The following CSMD1 variants were observed in gnomAD, a reference collection of about 807,000 sequenced individuals.
The protein encoded by CSMD1 is CUB and sushi domain-containing protein 1.
A neutral mutation model predicts 417.5 loss-of-function variants in CSMD1; 213 were observed. That is an observed-to-expected ratio of 0.51 (90% CI 0.46 to 0.57). The LOEUF (loss-of-function observed/expected upper bound fraction) is 0.57, where lower values mean the gene tolerates loss of function less well. Ranked by LOEUF, CSMD1 falls within the 20% of genes least tolerant of loss-of-function variation. The probability of loss-of-function intolerance (pLI) is 0.00; values close to 1 mark genes in which losing one functional copy is unlikely to be tolerated. For synonymous variants in CSMD1, 2,862 were observed against 1,736.8 expected (o/e 1.65, Z -16.11); for missense variants, 6,923 against 4,529.7 (o/e 1.53, Z -15.17).
intron 1 of CSMD1, among the ~76,000 whole-genome samples, chr8:4,842,381 T>C (rs966797011): frequency 2.0e-5 from 3 of 152,256 alleles, no homozygotes; most frequent in Non-Finnish European, 2.9e-5. Context: ...TCTTAATTTT[T>C]ATTCCCCTTT....
intron 17 of CSMD1, among the ~76,000 whole-genome samples, chr8:3,392,417 T>A (rs965057826): frequency 2.6e-5 from 4 of 152,070 alleles, no homozygotes; most frequent in Admixed American, 2.0e-4. Context: ...TGTCGAAGGG[T>A]GCTAGACGGG....
At chr8:4,021,834 T>C (rs1234917593) in intron 4 of CSMD1, among the ~76,000 whole-genome samples, 4 of 152,176 alleles carry the variant, frequency 2.6e-5, no homozygotes, top group East Asian at 1.9e-4. Flanking sequence ...CCCGGGGCTC[T>C]AGTTGGCTCA....
rs138009444 is a variant in CSMD1, at chr8:3,876,518, A to C, written c.818+121385T>G. ...AAGTGTGTAAGTGTGGATGTAATTT[A>C]TTAGGAGAAATTTATTCATATTTAT... is the stretch of plus-strand genomic sequence containing the variant. On this transcript the variant is annotated intron_variant, in intron 5 of 69. Transcript: ENST00000635120. 6.7e-3 allele frequency among the ~76,000 whole-genome samples: 1,026 copies of C among 152,328 alleles called. 8 individuals carry two copies. Among genetic ancestry groups the C allele is most frequent in the South Asian group, 0.023 (111 of 4,834 alleles).
intron 3 of CSMD1, among the ~76,000 whole-genome samples, chr8:4,220,617 C>A (rs1187929042): frequency 6.6e-6 from 1 of 152,122 alleles, no homozygotes; most frequent in Non-Finnish European, 1.5e-5. Context: ...AGAGGAAGGA[C>A]CAGTGGTATA....
chr8:4,823,232 T>C (rs558576618), intron 1 of CSMD1, among the ~76,000 whole-genome samples: 4 of 152,202 alleles, frequency 2.6e-5, no homozygotes, highest in African/African-American at 7.2e-5. Context: ...AACTCTTTAA[T>C]TGCCTAATTC....
intron 1 of CSMD1, among the ~76,000 whole-genome samples, chr8:4,982,427 T>C (rs1309345236): frequency 6.6e-6 from 1 of 152,204 alleles, no homozygotes; most frequent in Non-Finnish European, 1.5e-5. Flanking sequence ...ATTATCTTGC[T>C]ACAAATACTG....
intron 1 of CSMD1, among the ~76,000 whole-genome samples, chr8:4,716,397 A>T (rs1269706870): frequency 6.6e-6 from 1 of 152,178 alleles, no homozygotes; most frequent in East Asian, 1.9e-4. Flanking sequence ...CAACACAAGG[A>T]TGGGACTTTT....
chr8:4,797,578 C>G (rs150378122), intron 1 of CSMD1, among the ~76,000 whole-genome samples: 2 of 152,022 alleles, frequency 1.3e-5, no homozygotes, highest in South Asian at 4.2e-4. Flanking sequence ...TATAAAAGTA[C>G]GAAATTATTC....
intron 3 of CSMD1, among the ~76,000 whole-genome samples, chr8:4,278,050 T>G (rs1318013519): frequency 6.6e-6 from 1 of 152,152 alleles, no homozygotes; most frequent in Non-Finnish European, 1.5e-5. Flanking sequence ...CCCAACCCCC[T>G]TTCCCTAACT....
At chr8:3,207,707 G>A (rs1002413740) in intron 30 of CSMD1, among the ~76,000 whole-genome samples, 1 of 152,096 alleles carries the variant, frequency 6.6e-6, no homozygotes, top group African/African-American at 2.4e-5. Flanking sequence ...TCAGACATCT[G>A]TCAGCTTTGA....
At chr8:3,108,894 GT>G in intron 43 of CSMD1, 146 bp from the exon 44 acceptor site, 1 of 808,268 alleles carries the variant, frequency 1.2e-6, no homozygotes, top group Non-Finnish European at 1.9e-6. Flanking sequence ...ACATCAAGAT[GT>G]TGAATGTCCA....
At chr8:3,438,974 G>A (rs555823476) in intron 12 of CSMD1, among the ~76,000 whole-genome samples, 6 of 150,740 alleles carry the variant, frequency 4.0e-5, no homozygotes, top group Non-Finnish European at 8.9e-5. Flanking sequence ...AATTAGCCGG[G>A]CATGGTAGTG....
At chr8:4,680,937 T>C (rs528956293) in intron 1 of CSMD1, among the ~76,000 whole-genome samples, 2 of 147,340 alleles carry the variant, frequency 1.4e-5, no homozygotes, top group East Asian at 4.1e-4. Flanking sequence ...AAACCCCTAA[T>C]CTATCTATAT....
intron 3 of CSMD1, among the ~76,000 whole-genome samples, chr8:4,137,450 T>C (rs1043287120): frequency 1.1e-5 from 1 of 92,346 alleles, no homozygotes; most frequent in African/African-American, 2.8e-5. Context: ...ATTGTCAAAA[T>C]AGAGAGTATT....
intron 5 of CSMD1, among the ~76,000 whole-genome samples, chr8:3,923,238 G>A (rs1000803230): frequency 3.3e-5 from 5 of 152,046 alleles, no homozygotes; most frequent in East Asian, 3.8e-4. Flanking sequence ...GTCTGGTGGT[G>A]AATCTTCCAG....
At chr8:3,097,822 G>A (rs989364836) in intron 46 of CSMD1, among the ~76,000 whole-genome samples, 4 of 152,188 alleles carry the variant, frequency 2.6e-5, no homozygotes, top group African/African-American at 7.2e-5. Context: ...GATTGCTCGG[G>A]ACCCTGGGAA....
At chr8:3,327,759 A>G (rs752194835) in intron 23 of CSMD1, among the ~76,000 whole-genome samples, 4 of 152,196 alleles carry the variant, frequency 2.6e-5, no homozygotes, top group African/African-American at 9.7e-5. Context: ...ATTTTTTATA[A>G]TAAATCAGTT....
At chr8:3,293,304 T>G (rs2117291023) in intron 25 of CSMD1, among the ~76,000 whole-genome samples, 1 of 152,254 alleles carries the variant, frequency 6.6e-6, no homozygotes, top group South Asian at 2.1e-4. Flanking sequence ...ATTATGTGTC[T>G]TTGAGTTGCT....
At chr8:3,176,356 T>C (rs1162142832) in intron 37 of CSMD1, among the ~76,000 whole-genome samples, 1 of 152,156 alleles carries the variant, frequency 6.6e-6, no homozygotes, top group Admixed American at 6.5e-5. Context: ...GTTTTCACAG[T>C]TATGATGAAA....
Sources: gnomAD v4.1 joint callset for allele counts (sites outside exome capture counted in the v4.1 genomes callset) on GRCh38, gnomAD v4.1.1 for gene constraint, MANE v1.5 for transcripts, NCBI Gene and HGNC (gene_info 2026-07-23, HGNC 2026-07-21) for gene names.